The following CSMD2 variants were observed in gnomAD, a reference collection of about 807,000 sequenced individuals.
CSMD2 encodes CUB and Sushi multiple domains 2.
CSMD2 carries 130 observed loss-of-function variants against 398.5 expected under a neutral mutation model. The observed-to-expected ratio is 0.33, with a 90% CI of 0.28 to 0.38. The LOEUF (loss-of-function observed/expected upper bound fraction) is 0.38, where lower values mean the gene tolerates loss of function less well. Among genes scored for constraint, CSMD2 ranks in the 10% least tolerant of loss-of-function variants. The probability of loss-of-function intolerance (pLI) is 1.00; values close to 1 mark genes in which losing one functional copy is unlikely to be tolerated. For missense variants in CSMD2, 3,829 were observed against 4,764.9 expected (o/e 0.80, Z 5.78); for synonymous variants, 1,828 against 1,908.5 (o/e 0.96, Z 1.10).
At chr1:34,125,353 G>A (rs1334116416) in intron 1 of CSMD2, among the ~76,000 whole-genome samples, 1 of 152,188 alleles carries the variant, frequency 6.6e-6, no homozygotes, top group Admixed American at 6.5e-5. Flanking sequence ...CAACCAGGCT[G>A]GGAAGGTTAG....
chr1:34,088,558 TGCAAA>T (rs1658186234), intron 2 of CSMD2, among the ~76,000 whole-genome samples: 2 of 152,208 alleles, frequency 1.3e-5, no homozygotes, highest in Non-Finnish European at 2.9e-5. Context: ...GCCTTGGAAA[TGCAAA>T]GCAAAGTCCA....
rs149704396 is a variant in CSMD2, at chr1:33,550,272, C to A, written c.8822G>T (p.Arg2941Leu). 1.2e-6 allele frequency: 2 copies of A among 1,614,174 alleles called. No homozygotes were observed. The highest frequency in any genetic ancestry group is 1.7e-6 in the Non-Finnish European group (2 of 1,180,030). Reference sequence around the variant, plus strand: ...AGTACGCTTGCCGATGCAGCTGTACCGCACCACTGCTCCCACAGTATAACT... The same window carrying A: ...AGTACGCTTGCCGATGCAGCTGTACAGCACCACTGCTCCCACAGTATAACT... ...GDSYTVGAVV[R>L]YSCIGKRTLV... Residue 2941 changes from arginine to leucine, a missense_variant, in exon 56 of 71, where the codon CGG becomes CTG. Arg to Leu is a moderately radical substitution (Grantham distance 102). Coordinates refer to ENST00000373381, the MANE Select transcript of CSMD2 (RefSeq NM_001281956.2).
chr1:33,935,774 A>AG lies in CSMD2; in HGVS notation c.697dup (p.Leu233ProfsTer7). Reference sequence around the variant, plus strand: ...TGGCCACCTACCTCTGCAGGAAGGCAGGGGGAAGTCCCACGTGGCGCTGTT... The same window carrying AG: ...TGGCCACCTACCTCTGCAGGAAGGCAGGGGGGAAGTCCCACGTGGCGCTGTT... On this transcript the variant is annotated frameshift_variant, in exon 4 of 71. Coordinates refer to ENST00000373381, the MANE Select transcript of CSMD2 (RefSeq NM_001281956.2). LOFTEE classifies it high-confidence loss of function. The AG allele has an allele frequency of 6.2e-7, 1 of 1,607,464 alleles. No individual in the cohort carries two copies. Among genetic ancestry groups the AG allele is most frequent in the Non-Finnish European group, 8.5e-7 (1 of 1,176,780 alleles).
chr1:33,694,930 C>A (rs1172360520), intron 24 of CSMD2, among the ~76,000 whole-genome samples: 1 of 152,160 alleles, frequency 6.6e-6, no homozygotes, highest in Non-Finnish European at 1.5e-5. Context: ...ACTGCCCTCC[C>A]CTGGAAGAGT....
At chr1:33,711,620 T>G (rs1645993061) in intron 21 of CSMD2, among the ~76,000 whole-genome samples, 1 of 152,184 alleles carries the variant, frequency 6.6e-6, no homozygotes, top group Non-Finnish European at 1.5e-5. Flanking sequence ...ATGGGAAGCG[T>G]GCATTAGCTG....
intron 17 of CSMD2, among the ~76,000 whole-genome samples, chr1:33,725,054 G>C (rs1239848632): frequency 6.6e-6 from 1 of 152,222 alleles, no homozygotes; most frequent in Non-Finnish European, 1.5e-5. Flanking sequence ...TAACTTCATG[G>C]TCAGTCAAAT....
At position 33,537,659 on chromosome 1, in the gene CSMD2, A is replaced by G; in HGVS notation, c.9632-50T>C. 6.5e-7 allele frequency: 1 copy of G among 1,540,422 alleles called. No individual in the cohort carries two copies. The highest frequency in any genetic ancestry group is 8.8e-7 in the Non-Finnish European group (1 of 1,136,648). ...AGGTCTAAGTTGCTTTCCAGAACCC[A>G]ATCTTCCAGTCCCACACCCCCATCT... On this transcript the variant is annotated intron_variant, in intron 60 of 70. Coordinates refer to ENST00000373381, the MANE Select transcript of CSMD2 (RefSeq NM_001281956.2). This position sits in a 1 kb window ranked among gnomAD's most constrained non-coding sequence, Gnocchi z 4.6.
chr1:34,108,526 C>T lies in CSMD2; in HGVS notation c.188-19333G>A, dbSNP rs534830424. ...AGTAGCCCTGTCCATGGTCCGGAAC[C>T]GTAAATGTCCTCAGGGGAGGCTGTT... is the stretch of plus-strand genomic sequence containing the variant. On this transcript the variant is annotated intron_variant, in intron 1 of 70. Transcript: ENST00000373381. Among the ~76,000 whole-genome samples the T allele has an allele frequency of 6.6e-5, 10 of 152,306 alleles. No homozygotes were observed. In the East Asian group the frequency reaches 1.4e-3, roughly 21 times the overall value.
chr1:33,868,553 T>C (rs890411231), intron 5 of CSMD2, among the ~76,000 whole-genome samples: 1 of 152,058 alleles, frequency 6.6e-6, no homozygotes, highest in African/African-American at 2.4e-5. Flanking sequence ...CTGATCAACA[T>C]GGTGAAACCC....
chr1:33,642,045 GA>G (rs1234238783), intron 29 of CSMD2, among the ~76,000 whole-genome samples: 1 of 152,148 alleles, frequency 6.6e-6, no homozygotes, highest in Non-Finnish European at 1.5e-5. Flanking sequence ...TCTAAACTGG[GA>G]AGTGATTCAA....
chr1:33,821,625 G>A (rs1658167691), intron 7 of CSMD2, among the ~76,000 whole-genome samples: 1 of 152,180 alleles, frequency 6.6e-6, no homozygotes, highest in African/African-American at 2.4e-5. Context: ...TCACCCACTT[G>A]CTCACATAGG....
At chr1:33,766,599 C>T (rs1325278936) in intron 13 of CSMD2, among the ~76,000 whole-genome samples, 2 of 152,242 alleles carry the variant, frequency 1.3e-5, no homozygotes, top group Non-Finnish European at 2.9e-5. Flanking sequence ...GTGCCCAATT[C>T]ATCTCTGAAT....
chr1:33,989,353 G>T (rs1196587368), intron 3 of CSMD2, among the ~76,000 whole-genome samples: 2 of 151,930 alleles, frequency 1.3e-5, no homozygotes, highest in South Asian at 2.1e-4. Flanking sequence ...TTCAGCAAGG[G>T]CATGTCCACC....
chr1:33,722,440 C>T (rs1646387250), intron 19 of CSMD2, among the ~76,000 whole-genome samples: 3 of 152,208 alleles, frequency 2.0e-5, no homozygotes, highest in Admixed American at 2.0e-4. Flanking sequence ...CCACATTATC[C>T]CCCAGACTGT....
intron 47 of CSMD2, 62 bp downstream of exon 47, chr1:33,583,580 G>C (rs185015898): frequency 1.3e-6 from 2 of 1,518,332 alleles, no homozygotes; most frequent in Non-Finnish European, 1.8e-6. Flanking sequence ...CAGACTCCTC[G>C]GGTTCTGGAG....
chr1:34,023,929 T>C (rs1649283286), intron 3 of CSMD2, among the ~76,000 whole-genome samples: 1 of 152,200 alleles, frequency 6.6e-6, no homozygotes, highest in Admixed American at 6.5e-5. Context: ...TGTTTTTGAA[T>C]AGCATCTCTG....
chr1:33,734,174 A>G (rs1039944067), intron 15 of CSMD2, among the ~76,000 whole-genome samples: 3 of 152,168 alleles, frequency 2.0e-5, no homozygotes, highest in African/African-American at 7.2e-5. Flanking sequence ...TCTTTATTAC[A>G]GTACTTGCTT....
In CSMD2 at chr1:33,617,014, G is replaced by A. The variant is rs764782285; in HGVS notation, c.5947-39C>T. The A allele has an allele frequency of 3.0e-5, 47 of 1,550,154 alleles. No individual in the cohort carries two copies. The Admixed American group carries it at 4.8e-4, about 16-fold the overall frequency. ...GAACAGGGATGGGCTAGCTGTCCCC[G>A]TGGGCACAATTGTATGTACAACCAG... is the stretch of plus-strand genomic sequence containing the variant. On this transcript the variant is annotated intron_variant, in intron 38 of 70. Transcript: ENST00000373381.
intron 2 of CSMD2, among the ~76,000 whole-genome samples, chr1:34,045,233 G>A (rs1044597276): frequency 6.6e-6 from 1 of 152,086 alleles, no homozygotes; most frequent in Non-Finnish European, 1.5e-5. Context: ...CTGGGGTTCT[G>A]TGGAAATCTC....
Sources: gnomAD v4.1 joint callset for allele counts (sites outside exome capture counted in the v4.1 genomes callset) on GRCh38, gnomAD v4.1.1 for gene constraint, Gnocchi (gnomAD v3.1) non-coding constraint, MANE v1.5 for transcripts, NCBI Gene and HGNC (gene_info 2026-07-23, HGNC 2026-07-21) for gene names.